Variants in RBPMS observed in about 807,000 individuals in gnomAD.
RBPMS encodes RNA binding protein, mRNA processing factor.
In RBPMS, 7 loss-of-function variants were observed where a neutral mutation model predicts 26.8. The ratio of observed to expected loss-of-function variants is 0.26; its 90% CI spans 0.15 to 0.49. The LOEUF is 0.49. Ranked by LOEUF, RBPMS falls within the 20% of genes least tolerant of loss-of-function variation. RBPMS has a pLI of 0.98. For synonymous variants in RBPMS, 96 were observed against 93.3 expected, an observed-to-expected ratio of 1.03 and a Z score of -0.17; for missense variants, 186 against 250.0, an observed-to-expected ratio of 0.74 and a Z score of 1.73.
At chr8:30,391,408 G>T (rs756651061) in intron 1 of RBPMS, among the ~76,000 whole-genome samples, 5 of 152,212 alleles carry the variant, frequency 3.3e-5, no homozygotes, top group Non-Finnish European at 5.9e-5. Flanking sequence ...GTGTCTGCCT[G>T]GGGGTAGGGG....
At chr8:30,562,656 A>T (rs1474044403) in intron 7 of RBPMS, among the ~76,000 whole-genome samples, 1 of 152,230 alleles carries the variant, frequency 6.6e-6, no homozygotes, top group African/African-American at 2.4e-5. Flanking sequence ...ATGAGCTAAT[A>T]TAAACATTTT....
intron 5 of RBPMS, among the ~76,000 whole-genome samples, chr8:30,528,334 C>G (rs1166031263): frequency 6.6e-6 from 1 of 152,076 alleles, no homozygotes; most frequent in Non-Finnish European, 1.5e-5. Flanking sequence ...CTTGTCTGAT[C>G]AGCCCTGAAA....
chr8:30,496,681 A>G (rs1049765783), intron 4 of RBPMS, among the ~76,000 whole-genome samples: 1 of 152,160 alleles, frequency 6.6e-6, no homozygotes, highest in Admixed American at 6.5e-5. Flanking sequence ...ATAGTTTTCT[A>G]TTTTAAAAAT....
chr8:30,468,055 G>T (rs1333637516), intron 1 of RBPMS, among the ~76,000 whole-genome samples: 1 of 151,890 alleles, frequency 6.6e-6, no homozygotes, highest in African/African-American at 2.4e-5. Flanking sequence ...AATATGGGCA[G>T]TTCCTGCTGT....
chr8:30,488,795 T>A (rs1034500330), intron 4 of RBPMS, among the ~76,000 whole-genome samples: 1 of 152,190 alleles, frequency 6.6e-6, no homozygotes, highest in African/African-American at 2.4e-5. Context: ...CAAGTGTTAG[T>A]GAGTTTGTAC....
chr8:30,454,443 A>G (rs1353502832), intron 1 of RBPMS, among the ~76,000 whole-genome samples: 1 of 152,138 alleles, frequency 6.6e-6, no homozygotes, highest in Non-Finnish European at 1.5e-5. Context: ...GGGAGAGGTT[A>G]TATGTGTGAT....
At chr8:30,449,936 C>T (rs1262021303) in intron 1 of RBPMS, among the ~76,000 whole-genome samples, 1 of 152,220 alleles carries the variant, frequency 6.6e-6, no homozygotes, top group Admixed American at 6.5e-5. Context: ...TCAAAAATTA[C>T]AATTTACTTT....
intron 1 of RBPMS, among the ~76,000 whole-genome samples, chr8:30,437,790 CAAA>C (rs11290191): frequency 1.3e-4 from 14 of 106,222 alleles, no homozygotes; most frequent in Admixed American, 1.9e-4. Flanking sequence ...GACTCCATCT[CAAA>C]AAAAAAAAAA....
At chr8:30,388,221 A>G (rs1204333339) in intron 1 of RBPMS, among the ~76,000 whole-genome samples, 1 of 152,104 alleles carries the variant, frequency 6.6e-6, no homozygotes, top group Non-Finnish European at 1.5e-5. Context: ...TTAGAGTATC[A>G]TGTCATTTCT....
At chr8:30,425,188 C>G (rs973271359) in intron 1 of RBPMS, among the ~76,000 whole-genome samples, 1 of 151,874 alleles carries the variant, frequency 6.6e-6, no homozygotes, top group African/African-American at 2.4e-5. Context: ...AACTCCTAGA[C>G]TAAAGTGATC....
intron 6 of RBPMS, chr8:30,547,349 A>G (rs1563436417): frequency 6.2e-7 from 1 of 1,613,864 alleles, no homozygotes. Context: ...TCTCCAGCAA[A>G]TTAGATTTGT....
At chr8:30,486,577 G>A (rs1818809907) in intron 4 of RBPMS, among the ~76,000 whole-genome samples, 1 of 152,022 alleles carries the variant, frequency 6.6e-6, no homozygotes, top group Admixed American at 6.6e-5. Context: ...AGCTTGCAGT[G>A]AGCTGCGATC....
At chr8:30,469,054 A>C (rs1035269605) in intron 1 of RBPMS, among the ~76,000 whole-genome samples, 2 of 152,256 alleles carry the variant, frequency 1.3e-5, no homozygotes, top group Non-Finnish European at 2.9e-5. Flanking sequence ...CATGCAGAGA[A>C]AATGCTCATA....
intron 1 of RBPMS, among the ~76,000 whole-genome samples, chr8:30,449,930 A>C (rs546953561): frequency 6.6e-6 from 1 of 152,374 alleles, no homozygotes; most frequent in African/African-American, 2.4e-5. Context: ...AAATCTTCAA[A>C]AATTACAATT....
At chr8:30,435,118 A>C (rs1325351111) in intron 1 of RBPMS, among the ~76,000 whole-genome samples, 1 of 152,174 alleles carries the variant, frequency 6.6e-6, no homozygotes, top group African/African-American at 2.4e-5. Context: ...TTGAGCACTG[A>C]CATGACGCCT....
chr8:30,536,284 C>T (rs1231938667), intron 5 of RBPMS, among the ~76,000 whole-genome samples: 1 of 152,154 alleles, frequency 6.6e-6, no homozygotes, highest in Non-Finnish European at 1.5e-5. Context: ...TGTGCCACCA[C>T]GCCCAGCTAA....
rs200036670 is a variant in RBPMS at position 30,393,071 on chromosome 8, A to AG, written c.66+7917dup. 6.8e-4 allele frequency among the ~76,000 whole-genome samples: 103 copies of AG among 152,308 alleles called. No homozygotes were observed. In the East Asian group the frequency reaches 0.015, roughly 22 times the overall value. On this transcript the variant is annotated intron_variant, in intron 1 of 8. Transcript: ENST00000397323. Reference sequence around the variant, plus strand: ...GAGTCATGTTAAAAAGTGTTTGGGAAGGGGAGAGAATTGAAAATAATCAAG... The same window carrying AG: ...GAGTCATGTTAAAAAGTGTTTGGGAAGGGGGAGAGAATTGAAAATAATCAAG...
intron 8 of RBPMS, among the ~76,000 whole-genome samples, chr8:30,569,186 A>G (rs1828099165): frequency 6.6e-6 from 1 of 151,926 alleles, no homozygotes; most frequent in South Asian, 2.1e-4. Context: ...GACACCATCA[A>G]CCCCAGGGGC....
chr8:30,519,215 TC>T (rs1293225783), intron 5 of RBPMS, among the ~76,000 whole-genome samples: 1 of 152,090 alleles, frequency 6.6e-6, no homozygotes, highest in East Asian at 1.9e-4. Context: ...ATTCTCTCTT[TC>T]CCTCTCATAC....
Sources: gnomAD v4.1 joint callset for allele counts (sites outside exome capture counted in the v4.1 genomes callset) on GRCh38, gnomAD v4.1.1 for gene constraint, MANE v1.5 for transcripts, NCBI Gene and HGNC (gene_info 2026-07-23, HGNC 2026-07-21) for gene names.